Variants in KHDRBS2 observed in about 807,000 individuals in gnomAD.
The protein encoded by KHDRBS2 is KH RNA binding domain containing, signal transduction associated 2.
KHDRBS2 carries 26 observed loss-of-function variants against 44.3 expected under a neutral mutation model. That is an observed-to-expected ratio of 0.59 (90% CI 0.43 to 0.81). KHDRBS2 has a LOEUF of 0.81. Ranked by LOEUF, KHDRBS2 falls within the 40% of genes least tolerant of loss-of-function variation. KHDRBS2 has a pLI of 0.00. For missense variants in KHDRBS2, 476 were observed against 433.1 expected, an observed-to-expected ratio of 1.10 and a Z score of -0.88; for synonymous variants, 194 against 151.1, an observed-to-expected ratio of 1.28 and a Z score of -2.08.
At chr6:61,893,427 C>G (rs1276420610) in intron 6 of KHDRBS2, among the ~76,000 whole-genome samples, 7 of 152,158 alleles carry the variant, frequency 4.6e-5, no homozygotes, top group Non-Finnish European at 7.3e-5. Flanking sequence ...ATAAAGTATG[C>G]TGCTATAAAG....
chr6:61,821,725 T>C (rs1056595171), intron 6 of KHDRBS2, among the ~76,000 whole-genome samples: 1 of 151,962 alleles, frequency 6.6e-6, no homozygotes, highest in Non-Finnish European at 1.5e-5. Flanking sequence ...TATGAATTTA[T>C]TTTAGCTAGG....
At chr6:62,146,679 C>A (rs1194906173) in intron 2 of KHDRBS2, among the ~76,000 whole-genome samples, 3 of 151,698 alleles carry the variant, frequency 2.0e-5, no homozygotes, top group Admixed American at 2.0e-4. Flanking sequence ...GCCATATGCA[C>A]ATAAACTCCA....
chr6:61,958,622 TTAAA>T (rs1361544016), intron 4 of KHDRBS2, among the ~76,000 whole-genome samples: 8 of 152,226 alleles, frequency 5.3e-5, no homozygotes, highest in African/African-American at 9.6e-5. Context: ...GTTTCACTTC[TTAAA>T]TATTTACTTT....
chr6:61,779,114 T>C (rs1347562027), intron 6 of KHDRBS2, among the ~76,000 whole-genome samples: 1 of 152,218 alleles, frequency 6.6e-6, no homozygotes, highest in Non-Finnish European at 1.5e-5. Context: ...CCTCCCATCA[T>C]GCCATACATT....
intron 7 of KHDRBS2, among the ~76,000 whole-genome samples, chr6:61,701,607 G>C (rs1768681528): frequency 6.6e-6 from 1 of 151,880 alleles, no homozygotes. Flanking sequence ...TATCCACTGG[G>C]ATAAAGAAGA....
chr6:61,846,784 C>CAT lies in KHDRBS2; in HGVS notation c.810+47849_810+47850dup, dbSNP rs142483867. ...AAATATGATATAGCCCTTGTAAGTA[C>CAT]ATATATATATATATATATACCTGAT... On this transcript the variant is annotated intron_variant, in intron 6 of 8. Coordinates refer to ENST00000281156, the MANE Select transcript of KHDRBS2 (RefSeq NM_152688.4). 6.2e-3 allele frequency among the ~76,000 whole-genome samples: 922 copies of CAT among 149,722 alleles called. 8 individuals are homozygous for CAT. Among genetic ancestry groups the CAT allele is most frequent in the Middle Eastern group, 0.022 (6 of 276 alleles).
chr6:61,720,904 G>T (rs1172106415), intron 7 of KHDRBS2, among the ~76,000 whole-genome samples: 1 of 150,724 alleles, frequency 6.6e-6, no homozygotes, highest in Non-Finnish European at 1.5e-5. Flanking sequence ...GGGTTTTTAT[G>T]GTTTTAGGTC....
the KHDRBS2 span, among the ~76,000 whole-genome samples, chr6:61,601,171 C>T: frequency 6.6e-6 from 1 of 152,092 alleles, no homozygotes; most frequent in Non-Finnish European, 1.5e-5. Flanking sequence ...AACCCTTTCT[C>T]TCCATTTCTC....
At chr6:62,078,829 C>T (rs985917396) in intron 2 of KHDRBS2, among the ~76,000 whole-genome samples, 1 of 151,912 alleles carries the variant, frequency 6.6e-6, no homozygotes, top group African/African-American at 2.4e-5. Flanking sequence ...AAATGACATA[C>T]TTCAGAGACA....
At chr6:62,267,180 C>A (rs1300015297) in intron 1 of KHDRBS2, among the ~76,000 whole-genome samples, 1 of 152,030 alleles carries the variant, frequency 6.6e-6, no homozygotes, top group African/African-American at 2.4e-5. Flanking sequence ...AAGGACATAT[C>A]TTGCAAAAAT....
At chr6:62,244,448 A>C (rs540008694) in intron 1 of KHDRBS2, among the ~76,000 whole-genome samples, 1 of 152,242 alleles carries the variant, frequency 6.6e-6, no homozygotes, top group Non-Finnish European at 1.5e-5. Context: ...AATAGAGAGA[A>C]GTGAGAGAAG....
intron 2 of KHDRBS2, among the ~76,000 whole-genome samples, chr6:62,109,580 G>C (rs1339279587): frequency 6.6e-6 from 1 of 151,886 alleles, no homozygotes; most frequent in Non-Finnish European, 1.5e-5. Flanking sequence ...AGATAAGTTT[G>C]GCAAGGGTAA....
chr6:62,126,135 G>A (rs73491125), intron 2 of KHDRBS2, among the ~76,000 whole-genome samples: 6,696 of 152,212 alleles, frequency 0.044, 492 homozygotes, highest in African/African-American at 0.15. Context: ...GAGAGTCCTA[G>A]GCCTGGCAGC....
the KHDRBS2 span, among the ~76,000 whole-genome samples, chr6:61,606,976 T>C: frequency 6.6e-6 from 1 of 152,144 alleles, no homozygotes; most frequent in Non-Finnish European, 1.5e-5. Flanking sequence ...AATCACTGAA[T>C]GCATGGAGGA....
chr6:61,760,824 G>T (rs1181479803), intron 6 of KHDRBS2, among the ~76,000 whole-genome samples: 1 of 152,156 alleles, frequency 6.6e-6, no homozygotes, highest in East Asian at 1.9e-4. Context: ...ATTTAAATAT[G>T]TTGGCAGGCA....
At chr6:62,042,703 G>A (rs1185098169) in intron 3 of KHDRBS2, among the ~76,000 whole-genome samples, 1 of 152,014 alleles carries the variant, frequency 6.6e-6, no homozygotes, top group Non-Finnish European at 1.5e-5. Flanking sequence ...GTTTTTTGTT[G>A]ATTTTACTGT....
the KHDRBS2 span, among the ~76,000 whole-genome samples, chr6:61,546,608 AT>A: frequency 6.6e-6 from 1 of 152,172 alleles, no homozygotes; most frequent in Non-Finnish European, 1.5e-5. Context: ...CTATACACAC[AT>A]TTAAGAAAGG....
the KHDRBS2 span, among the ~76,000 whole-genome samples, chr6:61,603,420 C>T: frequency 3.9e-5 from 6 of 152,164 alleles, no homozygotes; most frequent in Admixed American, 3.9e-4. Context: ...TGGACTGACC[C>T]TGACACCCAT....
chr6:62,086,360 G>A (rs1430337321), intron 2 of KHDRBS2, among the ~76,000 whole-genome samples: 1 of 152,112 alleles, frequency 6.6e-6, no homozygotes, highest in Admixed American at 6.6e-5. Flanking sequence ...AAGACTTGAA[G>A]CTTTGATAGC....
Sources: gnomAD v4.1 joint callset for allele counts (sites outside exome capture counted in the v4.1 genomes callset) on GRCh38, gnomAD v4.1.1 for gene constraint, MANE v1.5 for transcripts, NCBI Gene and HGNC (gene_info 2026-07-23, HGNC 2026-07-21) for gene names.